Variants in LTBP1 observed in about 807,000 individuals in gnomAD.
LTBP1 encodes the protein latent-transforming growth factor beta-binding protein 1.
A neutral mutation model predicts 207.6 loss-of-function variants in LTBP1; 129 were observed. That is an observed-to-expected ratio of 0.62 (90% CI 0.54 to 0.72). The LOEUF (loss-of-function observed/expected upper bound fraction) is 0.72. Among genes scored for constraint, LTBP1 ranks in the 30% least tolerant of loss-of-function variants. The pLI, the probability that LTBP1 is intolerant of heterozygous loss-of-function variation, is 0.00. For synonymous variants in LTBP1, 963 were observed against 833.7 expected (o/e 1.16, Z -2.67); for missense variants, 2,281 against 2,217.2 (o/e 1.03, Z -0.58).
chr2:33,284,484 C>T (rs559191240), intron 19 of LTBP1, among the ~76,000 whole-genome samples: 1 of 152,256 alleles, frequency 6.6e-6, no homozygotes, highest in South Asian at 2.1e-4. Context: ...CACTGTATTC[C>T]TTGGACCTGA....
At chr2:32,977,190 C>T (rs1310354254) in intron 2 of LTBP1, among the ~76,000 whole-genome samples, 1 of 152,218 alleles carries the variant, frequency 6.6e-6, no homozygotes, top group Non-Finnish European at 1.5e-5. Context: ...AGTGGCCTCC[C>T]CTGCTGTCCA....
intron 2 of LTBP1, among the ~76,000 whole-genome samples, chr2:33,020,221 C>T (rs184178035): frequency 3.9e-5 from 6 of 152,180 alleles, no homozygotes; most frequent in East Asian, 3.9e-4. Context: ...CTCGTTTTCT[C>T]GTATGTCAAA....
intron 20 of LTBP1, among the ~76,000 whole-genome samples, chr2:33,299,995 T>C (rs958337397): frequency 1.3e-5 from 2 of 152,234 alleles, no homozygotes; most frequent in Non-Finnish European, 1.5e-5. Flanking sequence ...ATAGTTCAAC[T>C]TCTAGACAAA....
intron 2 of LTBP1, among the ~76,000 whole-genome samples, chr2:33,017,800 T>C (rs1022635623): frequency 6.6e-6 from 1 of 152,152 alleles, no homozygotes; most frequent in Non-Finnish European, 1.5e-5. Flanking sequence ...GTATTTTTAG[T>C]AGAGACGGGG....
At chr2:33,382,188 G>A (rs570852337) in intron 31 of LTBP1, among the ~76,000 whole-genome samples, 4 of 133,382 alleles carry the variant, frequency 3.0e-5, no homozygotes, top group East Asian at 2.4e-4. Flanking sequence ...TCCACCTCCC[G>A]AGTTCAAGCA....
rs1157842337 is a variant in LTBP1, at chr2:33,135,031, C to T, written c.1201+71C>T. 2.8e-6 allele frequency: 4 copies of T among 1,443,860 alleles called. No individual in the cohort carries two copies. The African/African-American group carries it at 5.7e-5, about 21-fold the overall frequency. The allele number at this position is 1,443,860 out of a possible 1,614,324, so 89.4% of individuals were successfully genotyped here. On this transcript the variant is annotated intron_variant, in intron 5 of 33. Coordinates refer to ENST00000404816, the MANE Select transcript of LTBP1 (RefSeq NM_206943.4). ...TATGAGATTGTAGCATTTAGACACCCCCTCCATTCACACTGCTGTCTGCTT... is the reference window on the plus strand; with the variant it reads ...TATGAGATTGTAGCATTTAGACACCTCCTCCATTCACACTGCTGTCTGCTT...
intron 5 of LTBP1, among the ~76,000 whole-genome samples, chr2:33,154,433 G>GTA (rs2083786002): frequency 6.6e-6 from 1 of 152,116 alleles, no homozygotes; most frequent in Non-Finnish European, 1.5e-5. Context: ...TGGCATATGT[G>GTA]TATATATATC....
At chr2:33,169,302 C>T (rs2085217448) in intron 5 of LTBP1, among the ~76,000 whole-genome samples, 2 of 152,178 alleles carry the variant, frequency 1.3e-5, no homozygotes, top group South Asian at 4.1e-4. Context: ...CCGAAACTGC[C>T]ACATTATATT....
intron 9 of LTBP1, among the ~76,000 whole-genome samples, chr2:33,242,384 T>G (rs1419257205): frequency 1.3e-5 from 2 of 152,222 alleles, no homozygotes; most frequent in South Asian, 4.1e-4. Flanking sequence ...CCCCTGGATC[T>G]CCATATGCAG....
chr2:32,959,549 A>ATGTG (rs10649487), intron 2 of LTBP1, among the ~76,000 whole-genome samples: 5,771 of 125,280 alleles, frequency 0.046, 184 homozygotes, highest in Non-Finnish European at 0.068. Flanking sequence ...CTGTATATAT[A>ATGTG]TGTGTGTGTG....
chr2:33,170,671 T>C (rs1484174481), intron 5 of LTBP1, among the ~76,000 whole-genome samples: 2 of 152,134 alleles, frequency 1.3e-5, no homozygotes, highest in African/African-American at 2.4e-5. Context: ...TCTCCCAGCA[T>C]GCAGCTGGAG....
At position 33,217,633 on chromosome 2, in the gene LTBP1, C is replaced by T; in HGVS notation, c.1783C>T (p.Gln595Ter). 6.2e-7 allele frequency: 1 copy of T among 1,613,380 alleles called. No individual in the cohort carries two copies. Among genetic ancestry groups the T allele is most frequent in the Non-Finnish European group, 8.5e-7 (1 of 1,179,506 alleles). The change falls in exon 8 of 34, where the codon CAG becomes TAG. Residue 595 changes from glutamine to a stop codon, truncating the protein, a stop_gained. Transcript: ENST00000404816. LOFTEE classifies it high-confidence loss of function. ...TACCTCCTGGGGCTTTAACAAATGC[C>T]AGAAATGCCCCAAGAAACCATGTAA... ...VGTSWGFNKC[Q>*]KCPKKPSYHG...
intron 3 of LTBP1, among the ~76,000 whole-genome samples, chr2:33,102,871 A>G (rs1403262292): frequency 6.7e-6 from 1 of 149,976 alleles, no homozygotes; most frequent in African/African-American, 2.5e-5. Context: ...TGTATGCACA[A>G]TCTGTAATGC....
chr2:33,202,028 C>CACACAGACACACACACACACACAG (rs1423983534), intron 7 of LTBP1, among the ~76,000 whole-genome samples: 1 of 47,016 alleles, frequency 2.1e-5, no homozygotes, highest in Non-Finnish European at 6.4e-5. Context: ...CTGGAACACA[C>CACACAGACACACACACACACACAG]ACACACACAC....
chr2:33,241,016 G>T (rs1252530311), intron 9 of LTBP1, among the ~76,000 whole-genome samples: 1 of 152,148 alleles, frequency 6.6e-6, no homozygotes, highest in Non-Finnish European at 1.5e-5. Flanking sequence ...AATTCATCTA[G>T]TTGTATACTT....
chr2:32,953,579 A>G (rs17012387), intron 2 of LTBP1, among the ~76,000 whole-genome samples: 9,750 of 152,248 alleles, frequency 0.064, 592 homozygotes, highest in East Asian at 0.26. Flanking sequence ...TAAAATCCAC[A>G]TTTAGGAACC....
chr2:33,056,410 G>T (rs1420056177), intron 3 of LTBP1: 16 of 1,124,836 alleles, frequency 1.4e-5, no homozygotes, highest in Non-Finnish European at 1.8e-5. Context: ...ATGCCGCCCT[G>T]GGCGATGGTG....
intron 11 of LTBP1, among the ~76,000 whole-genome samples, chr2:33,254,731 A>G (rs1573450635): frequency 1.5e-5 from 2 of 131,928 alleles, no homozygotes; most frequent in African/African-American, 3.2e-5. Context: ...ATATCTCCTA[A>G]TGCTATCCCT....
intron 9 of LTBP1, among the ~76,000 whole-genome samples, chr2:33,226,607 C>T (rs953910656): frequency 3.3e-5 from 5 of 149,922 alleles, no homozygotes; most frequent in Non-Finnish European, 7.4e-5. Flanking sequence ...ATTTAATACT[C>T]ACTCTTAATA....
Sources: gnomAD v4.1 joint callset for allele counts (sites outside exome capture counted in the v4.1 genomes callset) on GRCh38, gnomAD v4.1.1 for gene constraint, MANE v1.5 for transcripts, NCBI Gene and HGNC (gene_info 2026-07-23, HGNC 2026-07-21) for gene names.